HGD: variants seen among roughly 807,000 people sequenced by gnomAD.
The protein encoded by HGD is homogentisate 1,2-dioxygenase, also known as homogentisate oxidase.
A neutral mutation model predicts 60.8 loss-of-function variants in HGD; 61 were observed. That is an observed-to-expected ratio of 1.00 (90% CI 0.82 to 1.24). The LOEUF (loss-of-function observed/expected upper bound fraction) is 1.24, where lower values mean the gene tolerates loss of function less well. HGD is among the 50% of genes most tolerant of loss of function. The pLI is 0.00. For synonymous variants in HGD, 212 were observed against 187.7 expected, an observed-to-expected ratio of 1.13 and a Z score of -1.06; for missense variants, 542 against 547.1, an observed-to-expected ratio of 0.99 and a Z score of 0.09.
intron 4 of HGD, chr3:120,670,220 C>A (rs1023835091): frequency 1.7e-6 from 1 of 596,624 alleles, no homozygotes; most frequent in East Asian, 2.8e-5. Flanking sequence ...TTATAAATTA[C>A]CCAGTCTTGG....
At chr3:120,678,246 A>C (rs3755563) in intron 1 of HGD, among the ~76,000 whole-genome samples, 34,339 of 152,164 alleles carry the variant, frequency 0.23, 4,552 homozygotes, top group African/African-American at 0.37. Flanking sequence ...AATGAACCCC[A>C]TGCTCACCAT....
At chr3:120,681,453 T>C (rs1327857101) in intron 1 of HGD, among the ~76,000 whole-genome samples, 1 of 152,240 alleles carries the variant, frequency 6.6e-6, no homozygotes, top group Non-Finnish European at 1.5e-5. Context: ...TCAAGTCATC[T>C]ATTGGCAGTG....
chr3:120,641,913 G>A, intron 10 of HGD: 2 of 561,518 alleles, frequency 3.6e-6, no homozygotes, highest in Non-Finnish European at 3.2e-6. Context: ...TTCATAAGCT[G>A]CAGCTGCCTT....
intron 12 of HGD, chr3:120,633,612 A>T (rs1487702737): frequency 1.5e-6 from 2 of 1,368,540 alleles, no homozygotes; most frequent in Non-Finnish European, 1.9e-6. Flanking sequence ...CAGGGCCCAG[A>T]GAAGATAATA....
intron 12 of HGD, chr3:120,633,536 C>T (rs956027239): frequency 6.7e-7 from 1 of 1,492,278 alleles, no homozygotes; most frequent in Non-Finnish European, 8.9e-7. Context: ...ACTCCATGGC[C>T]ATGTGGATTA....
intron 8 of HGD, 70 bp from the exon 9 acceptor site, chr3:120,646,436 G>T: frequency 1.0e-6 from 1 of 955,344 alleles, no homozygotes; most frequent in Non-Finnish European, 1.7e-6. Context: ...GCTGCCCAGA[G>T]CCATAGCCCA....
chr3:120,658,796 C>T (rs905362307), intron 4 of HGD, among the ~76,000 whole-genome samples: 1 of 152,208 alleles, frequency 6.6e-6, no homozygotes, highest in Admixed American at 6.5e-5. Flanking sequence ...GGCTCCCAGG[C>T]CTTAACTCTT....
intron 11 of HGD, among the ~76,000 whole-genome samples, chr3:120,640,026 G>T (rs1014292968): frequency 2.0e-5 from 3 of 151,706 alleles, no homozygotes; most frequent in Admixed American, 6.6e-5. Context: ...GGTGGGGGTT[G>T]GGCAGCTAAT....
intron 3 of HGD, 144 bp from the exon 4 acceptor site, chr3:120,670,676 T>C: frequency 1.4e-6 from 1 of 701,568 alleles, no homozygotes; most frequent in Admixed American, 2.0e-5. Context: ...GAAGCAATGA[T>C]ACAGCATCAC....
chr3:120,681,816 T>C (rs1425119577), intron 1 of HGD, among the ~76,000 whole-genome samples: 2 of 152,170 alleles, frequency 1.3e-5, no homozygotes, highest in Non-Finnish European at 2.9e-5. Context: ...ATGTCCGTAG[T>C]GGAGGGGAGC....
intron 6 of HGD, among the ~76,000 whole-genome samples, chr3:120,650,271 A>C (rs184459047): frequency 6.6e-6 from 1 of 152,322 alleles, no homozygotes; most frequent in Admixed American, 6.5e-5. Flanking sequence ...CACAGTTTGG[A>C]TCTAATGTAC....
intron 3 of HGD, among the ~76,000 whole-genome samples, chr3:120,673,549 C>T (rs1708066531): frequency 6.6e-6 from 1 of 152,074 alleles, no homozygotes; most frequent in Non-Finnish European, 1.5e-5. Context: ...AGGAATTATC[C>T]CCTGATTTTT....
intron 9 of HGD, among the ~76,000 whole-genome samples, chr3:120,645,872 C>T (rs921217702): frequency 6.6e-6 from 1 of 152,202 alleles, no homozygotes; most frequent in Non-Finnish European, 1.5e-5. Flanking sequence ...TTTTGCAAAG[C>T]TGTTCCCTTT....
chr3:120,647,827 C>T (rs369385650), intron 7 of HGD, 50 bp downstream of exon 7: 133 of 1,380,312 alleles, frequency 9.6e-5, no homozygotes, highest in Non-Finnish European at 1.2e-4. Flanking sequence ...AAGCAGCTTG[C>T]GGTTAGGGGT....
At chr3:120,650,900 G>A (rs763059821) in intron 5 of HGD, 35 bp from the exon 6 acceptor site, 2 of 1,522,604 alleles carry the variant, frequency 1.3e-6, no homozygotes, top group South Asian at 1.1e-5. Flanking sequence ...AAAGGTTAAT[G>A]TGAACGGTGC....
At chr3:120,630,277 T>C (rs1241477531) in intron 13 of HGD, among the ~76,000 whole-genome samples, 2 of 152,124 alleles carry the variant, frequency 1.3e-5, no homozygotes, top group African/African-American at 4.8e-5. Context: ...AAGACTATTT[T>C]AAAATTCATA....
At chr3:120,679,735 G>T (rs895236633) in intron 1 of HGD, among the ~76,000 whole-genome samples, 1 of 152,142 alleles carries the variant, frequency 6.6e-6, no homozygotes, top group Non-Finnish European at 1.5e-5. Context: ...TACAAACCAA[G>T]GAATGTGGGT....
chr3:120,637,446 T>C (rs1940820408), intron 12 of HGD, among the ~76,000 whole-genome samples: 1 of 152,066 alleles, frequency 6.6e-6, no homozygotes, highest in South Asian at 2.1e-4. Context: ...GTGCTAAGAA[T>C]AATAATATTA....
Position 120,682,208 on chromosome 3 carries a change from T to C in HGD, c.-97A>G. 1 of 1,241,850 alleles carries C rather than the reference T, an allele frequency of 8.1e-7. No individual in the cohort carries two copies. The highest frequency in any genetic ancestry group is 1.2e-6 in the Non-Finnish European group (1 of 841,974). The allele number at this position is 1,241,850 out of a possible 1,614,324, so 76.9% of individuals were successfully genotyped here. On this transcript the variant is annotated 5_prime_UTR_variant, in exon 1 of 14. Transcript: ENST00000283871. Reference sequence around the variant, plus strand: ...TCTCCTTCAAACCACTCTTTGGATATTCCGGTTCCCACTGCTTCACTGCGC... The same window carrying C: ...TCTCCTTCAAACCACTCTTTGGATACTCCGGTTCCCACTGCTTCACTGCGC...
Sources: gnomAD v4.1 joint callset for allele counts (sites outside exome capture counted in the v4.1 genomes callset) on GRCh38, gnomAD v4.1.1 for gene constraint, MANE v1.5 for transcripts, NCBI Gene and HGNC (gene_info 2026-07-23, HGNC 2026-07-21) for gene names.